Variants in CNTN4 observed in about 807,000 individuals in gnomAD.
The protein encoded by CNTN4 is contactin 4.
In CNTN4, 77 loss-of-function variants were observed where a neutral mutation model predicts 122.5. The observed-to-expected ratio is 0.63, with a 90% CI of 0.52 to 0.76. The LOEUF is 0.76. CNTN4 is among the 30% of genes least tolerant of loss of function. CNTN4 has a pLI of 0.00. For synonymous variants in CNTN4, 512 were observed against 447.0 expected (o/e 1.15, Z -1.83); for missense variants, 1,256 against 1,259.1 (o/e 1.00, Z 0.04).
chr3:2,561,686 A>T (rs1361763011), intron 3 of CNTN4, among the ~76,000 whole-genome samples: 1 of 152,166 alleles, frequency 6.6e-6, no homozygotes, highest in Non-Finnish European at 1.5e-5. Context: ...CACTTTATGA[A>T]AGAGGAAAGT....
At chr3:3,019,010 G>T (rs1698026865) in intron 14 of CNTN4, among the ~76,000 whole-genome samples, 1 of 152,198 alleles carries the variant, frequency 6.6e-6, no homozygotes, top group Admixed American at 6.5e-5. Flanking sequence ...AATAATGATA[G>T]TAATGTATTA....
intron 6 of CNTN4, among the ~76,000 whole-genome samples, chr3:2,762,746 C>T (rs763927529): frequency 3.3e-5 from 5 of 152,030 alleles, no homozygotes; most frequent in Admixed American, 6.6e-5. Flanking sequence ...TTTGAGGGAT[C>T]GCCACACTGT....
intron 3 of CNTN4, among the ~76,000 whole-genome samples, chr3:2,348,432 C>G (rs2150417244): frequency 6.6e-6 from 1 of 152,018 alleles, no homozygotes; most frequent in Non-Finnish European, 1.5e-5. Flanking sequence ...GTCTCCTGTC[C>G]CTCCTTAGAC....
chr3:2,317,919 G>T (rs1310464749), intron 2 of CNTN4, among the ~76,000 whole-genome samples: 4 of 152,126 alleles, frequency 2.6e-5, no homozygotes, highest in African/African-American at 7.2e-5. Context: ...GATGCCTTTG[G>T]TATGACTTAC....
At chr3:2,535,159 C>T (rs1045635889) in intron 3 of CNTN4, among the ~76,000 whole-genome samples, 4 of 152,062 alleles carry the variant, frequency 2.6e-5, no homozygotes, top group African/African-American at 9.7e-5. Context: ...GAGCTAGTTG[C>T]CCGTAAGATG....
rs527731991 is a variant in CNTN4 at position 2,283,146 on chromosome 3, G to A, written c.-144-56032G>A. Among the ~76,000 whole-genome samples, 8 of 152,190 alleles carry A rather than the reference G, an allele frequency of 5.3e-5. No individual in the cohort carries two copies. In the South Asian group the frequency reaches 6.2e-4, roughly 12 times the overall value. Reference sequence around the variant, plus strand: ...GGTTAAATGGTAAATGTTACATTACGTGAATTTTATCTCTAAAAGCATTTT... The same window carrying A: ...GGTTAAATGGTAAATGTTACATTACATGAATTTTATCTCTAAAAGCATTTT... On this transcript the variant is annotated intron_variant, in intron 2 of 24. Coordinates refer to ENST00000418658, the MANE Select transcript of CNTN4 (RefSeq NM_175607.3).
At chr3:2,276,432 C>A (rs571572550) in intron 2 of CNTN4, among the ~76,000 whole-genome samples, 14 of 152,244 alleles carry the variant, frequency 9.2e-5, no homozygotes, top group Middle Eastern at 3.4e-3. Flanking sequence ...CCTCTGCCTC[C>A]CAAAGTGCTG....
At chr3:2,943,630 A>AT (rs367606924) in intron 13 of CNTN4, among the ~76,000 whole-genome samples, 3,732 of 128,152 alleles carry the variant, frequency 0.029, 185 homozygotes, top group African/African-American at 0.096. Context: ...ATATATATAT[A>AT]TTTTTTTTTT....
At chr3:2,115,911 T>G (rs1001008699) in intron 2 of CNTN4, among the ~76,000 whole-genome samples, 1 of 152,214 alleles carries the variant, frequency 6.6e-6, no homozygotes, top group South Asian at 2.1e-4. Context: ...ACAGTTAGGG[T>G]GGGCATTTAG....
intron 4 of CNTN4, among the ~76,000 whole-genome samples, chr3:2,680,226 T>C (rs2600283): frequency 0.26 from 40,114 of 151,994 alleles, 5,543 homozygotes; most frequent in South Asian, 0.48. Context: ...TGAAAACACA[T>C]AGCAAATCAG....
rs10546128 is a variant in CNTN4, at chr3:3,014,047, TACACACAC to T, written c.1487-12022_1487-12015del. Among the ~76,000 whole-genome samples the T allele has an allele frequency of 4.8e-3, 707 of 146,488 alleles. 3 individuals carry two copies. Among genetic ancestry groups the T allele is most frequent in the African/African-American group, 0.012 (487 of 39,526 alleles). ...TTATTGAGGAACAGACATTTAAATGTACACACACACACACACACACACACACACACACA... is the reference window on the plus strand; with the variant it reads ...TTATTGAGGAACAGACATTTAAATGTACACACACACACACACACACACACA... On this transcript the variant is annotated intron_variant, in intron 14 of 24. Coordinates refer to ENST00000418658, the MANE Select transcript of CNTN4 (RefSeq NM_175607.3).
chr3:2,412,624 A>G (rs1010829616), intron 3 of CNTN4, among the ~76,000 whole-genome samples: 1 of 152,168 alleles, frequency 6.6e-6, no homozygotes, highest in African/African-American at 2.4e-5. Context: ...TTCTTATGCA[A>G]TAGTAATGAG....
intron 4 of CNTN4, among the ~76,000 whole-genome samples, chr3:2,649,636 A>C (rs2083277285): frequency 6.6e-6 from 1 of 152,210 alleles, no homozygotes; most frequent in African/African-American, 2.4e-5. Flanking sequence ...ATATATTAGG[A>C]GATGTATATT....
At position 2,473,382 on chromosome 3, in the gene CNTN4, C is replaced by T. The variant is rs1383857289; in HGVS notation, c.-88-98034C>T. ...GCCACTTTCCTTCTTCTCTACTATT[C>T]CATACCTTTTATACTAGCCATTGTA... On this transcript the variant is annotated intron_variant, in intron 3 of 24. Coordinates refer to ENST00000418658, the MANE Select transcript of CNTN4 (RefSeq NM_175607.3). 3.3e-5 allele frequency among the ~76,000 whole-genome samples: 5 copies of T among 152,264 alleles called. 1 individual carries two copies. The highest frequency in any genetic ancestry group is 1.2e-4 in the African/African-American group (5 of 41,564).
chr3:2,782,063 G>A (rs1386015404), intron 6 of CNTN4, among the ~76,000 whole-genome samples: 1 of 151,958 alleles, frequency 6.6e-6, no homozygotes, highest in Non-Finnish European at 1.5e-5. Flanking sequence ...AAGAGGTTGT[G>A]GAGACCAGTT....
intron 2 of CNTN4, among the ~76,000 whole-genome samples, chr3:2,335,640 C>G (rs2043926473): frequency 6.7e-6 from 1 of 149,100 alleles, no homozygotes; most frequent in African/African-American, 2.5e-5. Flanking sequence ...TATCTACCTA[C>G]TTGAATCATC....
chr3:2,356,375 G>A (rs1465288500), intron 3 of CNTN4, among the ~76,000 whole-genome samples: 1 of 152,184 alleles, frequency 6.6e-6, no homozygotes, highest in African/African-American at 2.4e-5. Flanking sequence ...AAAGGGATGG[G>A]CAATTCCTGG....
chr3:2,854,814 C>A (rs1045883367), intron 7 of CNTN4, among the ~76,000 whole-genome samples: 1 of 152,162 alleles, frequency 6.6e-6, no homozygotes, highest in Non-Finnish European at 1.5e-5. Flanking sequence ...TAGAGTTAAA[C>A]TGACATTTTC....
intron 7 of CNTN4, among the ~76,000 whole-genome samples, chr3:2,849,932 G>A (rs909736106): frequency 7.2e-5 from 11 of 151,858 alleles, no homozygotes; most frequent in African/African-American, 9.7e-5. Context: ...ATGAGAAGCC[G>A]TATGTGTGGA....
Sources: allele counts gnomAD v4.1 joint callset (sites outside exome capture counted in the v4.1 genomes callset), GRCh38; gene constraint gnomAD v4.1.1; transcripts MANE v1.5; gene names NCBI Gene and HGNC (gene_info 2026-07-23, HGNC 2026-07-21).